PCDHA6: variants seen among roughly 807,000 people sequenced by gnomAD.
The protein encoded by PCDHA6 is protocadherin alpha-6.
A neutral mutation model predicts 60.3 loss-of-function variants in PCDHA6; 55 were observed. The observed-to-expected ratio is 0.91, with a 90% CI of 0.73 to 1.14. PCDHA6 has a LOEUF of 1.14. Among genes scored for constraint, PCDHA6 ranks in the 50% most tolerant of loss-of-function variants. The pLI is 0.00. For missense variants in PCDHA6, 1,327 were observed against 1,256.5 expected (o/e 1.06, Z -0.85); for synonymous variants, 652 against 557.9 (o/e 1.17, Z -2.38).
chr5:140,941,241 T>TTCTTTCTTTCTTTCTTTCTTTCTC (rs1585048929), intron 1 of PCDHA6, among the ~76,000 whole-genome samples: 1 of 140,458 alleles, frequency 7.1e-6, no homozygotes, highest in East Asian at 2.0e-4. Flanking sequence ...CTTTCTTTCT[T>TTCTTTCTTTCTTTCTTTCTTTCTC]TCTTTCTTTC....
intron 1 of PCDHA6, chr5:140,870,490 G>T: frequency 1.2e-6 from 2 of 1,614,234 alleles, no homozygotes; most frequent in Non-Finnish European, 8.5e-7. Flanking sequence ...CACCGTGTTC[G>T]TGAAGGAGAA....
At chr5:140,860,143 GTA>G (rs1352808505) in intron 1 of PCDHA6, 2 of 148,758 alleles carry the variant, frequency 1.3e-5, no homozygotes, top group Non-Finnish European at 3.0e-5. Flanking sequence ...GTATATATAT[GTA>G]TATATGTGTA....
At chr5:140,966,268 A>C (rs542154117) in intron 1 of PCDHA6, 5 of 351,754 alleles carry the variant, frequency 1.4e-5, no homozygotes, top group African/African-American at 1.0e-4. Context: ...AGACTGGATG[A>C]ACTGGACAGT....
intron 1 of PCDHA6, chr5:140,863,620 A>G (rs2048096081): frequency 3.1e-6 from 1 of 322,758 alleles, no homozygotes; most frequent in Non-Finnish European, 6.1e-6. Context: ...CCTCATAGTG[A>G]CATTGATAAT....
Position 140,828,734 on chromosome 5 carries a change from A to G in PCDHA6, c.643A>G (p.Thr215Ala), listed in dbSNP as rs1554131491. 1 of 1,614,248 alleles carries G rather than the reference A, an allele frequency of 6.2e-7. No homozygotes were observed. The highest frequency in any genetic ancestry group is 8.5e-7 in the Non-Finnish European group (1 of 1,180,042). Residue 215 changes from threonine to alanine, a missense_variant, in exon 1 of 4, where the codon ACA becomes GCA. Transcript: ENST00000529310. ...APAHNLFLTA[T>A]DGGKPELTGT... The stretch of plus-strand genomic sequence containing the variant: ...TGCACACAACTTATTCCTGACAGCC[A>G]CAGATGGGGGCAAACCTGAGCTCAC...
At chr5:140,879,743 C>A (rs553188333) in intron 1 of PCDHA6, among the ~76,000 whole-genome samples, 2 of 152,274 alleles carry the variant, frequency 1.3e-5, no homozygotes, top group South Asian at 2.1e-4. Context: ...AAGGTGTTGT[C>A]AAGGCTATAC....
intron 1 of PCDHA6, chr5:140,848,372 A>G: frequency 1.7e-6 from 2 of 1,150,006 alleles, no homozygotes; most frequent in South Asian, 3.0e-5. Context: ...AAGAGGCTCA[A>G]TTCTTTTTCA....
At chr5:140,937,198 C>T (rs2091402998) in intron 1 of PCDHA6, among the ~76,000 whole-genome samples, 1 of 151,908 alleles carries the variant, frequency 6.6e-6, no homozygotes, top group Non-Finnish European at 1.5e-5. Context: ...CCACCATGCC[C>T]GGCTAATTTT....
At position 140,854,641 on chromosome 5, in the gene PCDHA6, C is replaced by T. The variant is rs1258483318; in HGVS notation, c.2394+24156C>T. The T allele has an allele frequency of 1.3e-5, 2 of 149,894 alleles. 1 individual carries two copies. Among genetic ancestry groups the T allele is most frequent in the Non-Finnish European group, 3.0e-5 (2 of 67,066 alleles). The allele number at this position is 149,894 out of a possible 1,614,324, so 9.3% of individuals were successfully genotyped here. A position where few individuals can be genotyped will look rare whatever the true frequency, so the allele number is the denominator to read the frequency against. ...ATATTCTTTAGAAAAGTCAAAACAT[C>T]ATTAAATAAAATAAATTAACCCTTG... is the stretch of plus-strand genomic sequence containing the variant. On this transcript the variant is annotated intron_variant, in intron 1 of 3. Transcript: ENST00000529310.
At chr5:140,888,753 AC>A (rs1372547782) in intron 1 of PCDHA6, among the ~76,000 whole-genome samples, 1 of 149,022 alleles carries the variant, frequency 6.7e-6, no homozygotes, top group African/African-American at 2.5e-5. Context: ...TATTCTACCC[AC>A]TTTTTTTTTT....
rs1314333890 is a variant in PCDHA6, at chr5:141,000,908, T to TA, written c.2543-8708dup. ...GGGCAACAGATATAGACGCTGTCTCTAAAAAAAAAAATCCTGTGTGATTTA... is the reference window on the plus strand; with the variant it reads ...GGGCAACAGATATAGACGCTGTCTCTAAAAAAAAAAAATCCTGTGTGATTTA... On this transcript the variant is annotated intron_variant, in intron 3 of 3. Coordinates refer to ENST00000529310, the MANE Select transcript of PCDHA6 (RefSeq NM_018909.4). Among the ~76,000 whole-genome samples the TA allele has an allele frequency of 4.2e-4, 62 of 147,094 alleles. 1 individual carries two copies. Among genetic ancestry groups the TA allele is most frequent in the South Asian group, 3.0e-3 (14 of 4,626 alleles).
At chr5:140,862,330 T>A in intron 1 of PCDHA6, 1 of 326,684 alleles carries the variant, frequency 3.1e-6, no homozygotes, top group Non-Finnish European at 6.0e-6. Flanking sequence ...TCAGTGTAAT[T>A]GACCCTAACT....
At chr5:140,839,763 C>A (rs1052190502) in intron 1 of PCDHA6, among the ~76,000 whole-genome samples, 1 of 151,896 alleles carries the variant, frequency 6.6e-6, no homozygotes, top group Non-Finnish European at 1.5e-5. Flanking sequence ...ATTTAACCTA[C>A]GTTTTTGGTA....
chr5:140,899,402 G>A lies in PCDHA6; in HGVS notation c.2394+68917G>A, dbSNP rs1465071147. On this transcript the variant is annotated intron_variant, in intron 1 of 3. Transcript: ENST00000529310. ...TTTATTGAGAGTTTTTAGCATGAAG[G>A]GTTGTTGAATTTTGTCAAAGGTCTT... Among the ~76,000 whole-genome samples, 5 of 152,122 alleles carry A rather than the reference G, an allele frequency of 3.3e-5. No individual in the cohort carries two copies. The East Asian group carries it at 7.7e-4, about 24-fold the overall frequency.
chr5:140,952,913 A>G (rs1013502361), intron 1 of PCDHA6, among the ~76,000 whole-genome samples: 6 of 152,092 alleles, frequency 3.9e-5, no homozygotes, highest in African/African-American at 1.4e-4. Flanking sequence ...CTCATCTTAC[A>G]TGGCATGAGC....
chr5:140,886,401 A>G (rs2060965059), intron 1 of PCDHA6, among the ~76,000 whole-genome samples: 1 of 152,174 alleles, frequency 6.6e-6, no homozygotes, highest in African/African-American at 2.4e-5. Flanking sequence ...TGCATCACAA[A>G]TATGTTTTCC....
rs782776341 is a variant in PCDHA6 at position 140,884,056 on chromosome 5, G to A, written c.2394+53571G>A. On this transcript the variant is annotated intron_variant, in intron 1 of 3. Coordinates refer to ENST00000529310, the MANE Select transcript of PCDHA6 (RefSeq NM_018909.4). ...GCCACGTGGTGGCGAAGGTGCGCGC[G>A]GTGGACGCCGATTCGGGCTACAATG... 3.1e-6 allele frequency: 5 copies of A among 1,613,476 alleles called. No homozygotes were observed. In the South Asian group the frequency reaches 4.4e-5, roughly 14 times the overall value.
chr5:140,834,153 T>C, intron 1 of PCDHA6: 1 of 535,142 alleles, frequency 1.9e-6, no homozygotes, highest in East Asian at 3.0e-5. Context: ...TTGTAATGGT[T>C]TGTAATTCTT....
intron 1 of PCDHA6, chr5:140,927,894 C>A (rs372774238): frequency 1.2e-6 from 2 of 1,614,208 alleles, no homozygotes; most frequent in East Asian, 2.2e-5. Context: ...CTGACGTGAA[C>A]GATCATGCCC....
Sources: gnomAD v4.1 joint callset for allele counts (sites outside exome capture counted in the v4.1 genomes callset) on GRCh38, gnomAD v4.1.1 for gene constraint, MANE v1.5 for transcripts, NCBI Gene and HGNC (gene_info 2026-07-23, HGNC 2026-07-21) for gene names.